ARID4A: variants seen among roughly 807,000 people sequenced by gnomAD.
The protein encoded by ARID4A is AT-rich interaction domain 4A, also known as AT-rich interactive domain-containing protein 4A.
A neutral mutation model predicts 148.6 loss-of-function variants in ARID4A; 39 were observed. The ratio of observed to expected loss-of-function variants is 0.26; its 90% CI spans 0.20 to 0.34. The LOEUF (loss-of-function observed/expected upper bound fraction) is 0.34, where lower values mean the gene tolerates loss of function less well. Ranked by LOEUF, ARID4A falls within the 10% of genes least tolerant of loss-of-function variation. The probability of loss-of-function intolerance (pLI) is 1.00; values close to 1 mark genes in which losing one functional copy is unlikely to be tolerated. For synonymous variants in ARID4A, 475 were observed against 481.2 expected (o/e 0.99, Z 0.17); for missense variants, 1,265 against 1,449.1 (o/e 0.87, Z 2.06).
At chr14:58,352,349 T>G (rs562356967) in intron 16 of ARID4A, among the ~76,000 whole-genome samples, 3 of 152,104 alleles carry the variant, frequency 2.0e-5, no homozygotes, top group African/African-American at 2.4e-5. Context: ...TTAGGAAAAG[T>G]AGGAGGAACT....
At chr14:58,363,058 A>G (rs923076073) in intron 19 of ARID4A, among the ~76,000 whole-genome samples, 3 of 152,256 alleles carry the variant, frequency 2.0e-5, no homozygotes, top group African/African-American at 7.2e-5. Context: ...CTTAGAAGGC[A>G]TACCTGTGTG....
chr14:58,357,321 T>C (rs1049808074), intron 17 of ARID4A, among the ~76,000 whole-genome samples: 1 of 152,186 alleles, frequency 6.6e-6, no homozygotes, highest in Admixed American at 6.5e-5. Context: ...TATCAGGACA[T>C]AATGGCATCA....
At chr14:58,331,655 A>G (rs1328112234) in intron 11 of ARID4A, 1 of 152,188 alleles carries the variant, frequency 6.6e-6, no homozygotes, top group Non-Finnish European at 1.5e-5. Context: ...AAAAGACAGT[A>G]GGAGTCTATT....
At chr14:58,338,584 A>T (rs922288609) in intron 11 of ARID4A, among the ~76,000 whole-genome samples, 2 of 151,922 alleles carry the variant, frequency 1.3e-5, no homozygotes, top group African/African-American at 4.8e-5. Context: ...AGGAGAGGGG[A>T]TGGAGGGGTT....
At chr14:58,307,881 T>A (rs1176032479) in intron 5 of ARID4A, among the ~76,000 whole-genome samples, 1 of 152,224 alleles carries the variant, frequency 6.6e-6, no homozygotes, top group Non-Finnish European at 1.5e-5. Context: ...ACATCTTTGC[T>A]TTATCAAACT....
intron 23 of ARID4A, among the ~76,000 whole-genome samples, chr14:58,367,304 T>C (rs1264481550): frequency 6.6e-6 from 1 of 152,228 alleles, no homozygotes; most frequent in African/African-American, 2.4e-5. Context: ...ATTCACTCTT[T>C]GCTCAAACAT....
chr14:58,351,332 T>C lies in ARID4A; in HGVS notation c.1655+9T>C, dbSNP rs1223476251. The C allele has an allele frequency of 6.3e-7, 1 of 1,587,280 alleles. No homozygotes were observed. The highest frequency in any genetic ancestry group is 1.4e-5 in the African/African-American group (1 of 73,048). ...GAGAAAAGCCAAGAGAGGTACATTATCTTATGTTTGTTCTCCAGAAGCACC... is the reference window on the plus strand; with the variant it reads ...GAGAAAAGCCAAGAGAGGTACATTACCTTATGTTTGTTCTCCAGAAGCACC... On this transcript the variant is annotated intron_variant, in intron 16 of 23. Transcript: ENST00000355431.
chr14:58,368,102 G>C (rs1378788303), intron 23 of ARID4A, among the ~76,000 whole-genome samples: 4 of 152,130 alleles, frequency 2.6e-5, no homozygotes, highest in African/African-American at 9.7e-5. Flanking sequence ...ACTTAAAAGA[G>C]AATGAGGAAA....
At chr14:58,311,662 A>G (rs182158706) in intron 5 of ARID4A, among the ~76,000 whole-genome samples, 12 of 152,346 alleles carry the variant, frequency 7.9e-5, no homozygotes, top group African/African-American at 2.6e-4. Flanking sequence ...ACTATTCACA[A>G]TAGCCAAGAT....
rs2035644165 is a variant in ARID4A at position 58,372,218 on chromosome 14, TTCC to T, written c.*232_*234del. On this transcript the variant is annotated 3_prime_UTR_variant, in exon 24 of 24. Transcript: ENST00000355431. The stretch of plus-strand genomic sequence containing the variant: ...CAGCCTGCCATATTTGTCATAATTT[TTCC>T]TCTTTACTTTTGTTTTTCGTTTGTT... The T allele has an allele frequency of 2.3e-6, 1 of 427,974 alleles. No homozygotes were observed. The highest frequency in any genetic ancestry group is 2.0e-5 in the African/African-American group (1 of 50,050). 26.5% of individuals were successfully genotyped at this position (427,974 alleles called of 1,614,324 possible). A position where few individuals can be genotyped will look rare whatever the true frequency, so the allele number is the denominator to read the frequency against.
chr14:58,315,228 ATC>A (rs1594880591), intron 5 of ARID4A, among the ~76,000 whole-genome samples: 1 of 152,094 alleles, frequency 6.6e-6, no homozygotes, highest in South Asian at 2.1e-4. Context: ...CTTTTGAGCA[ATC>A]TCTTTTTTTA....
chr14:58,329,651 T>C (rs1318980523), intron 10 of ARID4A, 47 bp downstream of exon 10: 1 of 1,466,370 alleles, frequency 6.8e-7, no homozygotes. Context: ...GTGGCTCTAT[T>C]TGGAAAATAG....
chr14:58,345,749 G>A (rs1171127624), intron 12 of ARID4A, among the ~76,000 whole-genome samples: 3 of 18,326 alleles, frequency 1.6e-4, no homozygotes, highest in African/African-American at 9.8e-4. Context: ...TTTTTTTTTT[G>A]TGACAGAGTC....
At chr14:58,335,440 A>G (rs1285204640) in intron 11 of ARID4A, among the ~76,000 whole-genome samples, 1 of 151,512 alleles carries the variant, frequency 6.6e-6, no homozygotes, top group African/African-American at 2.4e-5. Context: ...CAGCCTCCCA[A>G]GTAACTGAGA....
chr14:58,346,294 T>C (rs2034362499), intron 12 of ARID4A, 117 bp from the exon 13 acceptor site: 2 of 606,766 alleles, frequency 3.3e-6, no homozygotes, highest in Non-Finnish European at 5.7e-6. Flanking sequence ...TTAAGGCTCT[T>C]TAAATATGTG....
At chr14:58,367,912 G>A (rs2035426916) in intron 23 of ARID4A, among the ~76,000 whole-genome samples, 1 of 152,102 alleles carries the variant, frequency 6.6e-6, no homozygotes, top group South Asian at 2.1e-4. Context: ...TCCTTGTAGT[G>A]GGACAAAACA....
At chr14:58,364,083 T>G (rs1446851934) in intron 19 of ARID4A, 87 bp from the exon 20 acceptor site, 1 of 703,912 alleles carries the variant, frequency 1.4e-6, no homozygotes, top group Non-Finnish European at 2.0e-6. Context: ...TTAAAGATTT[T>G]TATTGTTATT....
rs758302598 is a variant in ARID4A, at chr14:58,365,081, G to C, written c.2992G>C (p.Val998Leu). 5 of 1,614,096 alleles carry C rather than the reference G, an allele frequency of 3.1e-6. No individual in the cohort carries two copies. The South Asian group carries it at 5.5e-5, about 18-fold the overall frequency. Residue 998 changes from valine to leucine, a missense_variant, in exon 20 of 24, where the codon GTA becomes CTA. Val to Leu is a conservative substitution (Grantham distance 32). This residue lies in a region of ARID4A where 666 missense variants were observed against 730.9 expected (regional missense o/e 0.91). Coordinates refer to ENST00000355431, the MANE Select transcript of ARID4A (RefSeq NM_002892.4). ...TTCTATTCCACCTGCCCTACCTCCT[G>C]TAGTCCAACATAACTTTTCAGTAGC... ...LVSIPPALPP[V>L]VQHNFSVASP... is the part of the protein sequence containing the mutation.
At position 58,316,279 on chromosome 14, in the gene ARID4A, A is replaced by C. The variant is rs2032404384; in HGVS notation, c.275-2263A>C. Among the ~76,000 whole-genome samples the C allele has an allele frequency of 2.6e-5, 4 of 152,198 alleles. No individual in the cohort carries two copies. The South Asian group carries it at 6.2e-4, about 24-fold the overall frequency. ...GTGAAAATTAGTACTAAATCTTGAT[A>C]ATTGTTTTTGGGTACATATGTATGC... On this transcript the variant is annotated intron_variant, in intron 5 of 23. Coordinates refer to ENST00000355431, the MANE Select transcript of ARID4A (RefSeq NM_002892.4).
Sources: gnomAD v4.1 joint callset for allele counts (sites outside exome capture counted in the v4.1 genomes callset) on GRCh38, gnomAD v4.1.1 for gene constraint, gnomAD v4.1.1 regional missense constraint, MANE v1.5 for transcripts, NCBI Gene and HGNC (gene_info 2026-07-23, HGNC 2026-07-21) for gene names.